Variants in SLFN12 observed in about 807,000 individuals in gnomAD.
SLFN12 encodes the protein ribonuclease SLFN12.
Under a neutral mutation model 29.1 loss-of-function variants are expected in SLFN12, and 25 were observed. The observed-to-expected ratio is 0.86, with a 90% CI of 0.63 to 1.20. SLFN12 has a LOEUF of 1.20. Among genes scored for constraint, SLFN12 ranks in the 50% most tolerant of loss-of-function variants. The pLI is 0.00. For missense variants in SLFN12, 660 were observed against 666.2 expected (o/e 0.99, Z 0.10); for synonymous variants, 257 against 238.7 (o/e 1.08, Z -0.71).
Position 35,411,338 on chromosome 17 carries a change from T to C in SLFN12, c.1737A>G (p.Ter579TrpextTer27), listed in dbSNP as rs770154393. 4 of 1,518,930 alleles carry C rather than the reference T, an allele frequency of 2.6e-6. No homozygotes were observed. The allele number at this position is 1,518,930 out of a possible 1,614,324, so 94.1% of individuals were successfully genotyped here. A position where few individuals can be genotyped will look rare whatever the true frequency, so the allele number is the denominator to read the frequency against. ...KMFKSCRRLT[*>W] is the part of the protein sequence containing the mutation. Reference sequence around the variant, plus strand: ...TCTCAGTAGCCCAGTCCATTTTCCATCAGGTGAGCCTTCGACAAGATTTAA... The same window carrying C: ...TCTCAGTAGCCCAGTCCATTTTCCACCAGGTGAGCCTTCGACAAGATTTAA... Residue 579 changes from the stop codon to tryptophan, a stop_lost, in exon 4 of 4, where the codon TGA becomes TGG. Coordinates refer to ENST00000304905, the MANE Select transcript of SLFN12 (RefSeq NM_018042.5).
intron 3 of SLFN12, among the ~76,000 whole-genome samples, chr17:35,414,757 C>T (rs765127362): frequency 3.3e-5 from 5 of 152,008 alleles, no homozygotes; most frequent in African/African-American, 4.8e-5. Context: ...ACCTCAATCC[C>T]TCCGACAACA....
chr17:35,431,791 T>A (rs1044042368), intron 1 of SLFN12: 1 of 152,106 alleles, frequency 6.6e-6, no homozygotes, highest in Non-Finnish European at 1.5e-5. Flanking sequence ...TTTAATGATA[T>A]GAAATGGAGG....
At chr17:35,424,757 G>C (rs2142045804) in intron 1 of SLFN12, among the ~76,000 whole-genome samples, 1 of 152,134 alleles carries the variant, frequency 6.6e-6, no homozygotes, top group Admixed American at 6.5e-5. Context: ...GGACAGTTGG[G>C]GTTGAATCCT....
Position 35,422,854 on chromosome 17 carries a change from T to C in SLFN12, c.175A>G (p.Ile59Val), listed in dbSNP as rs764798292. ...CALLNSGGGV[I>V]KAEIENEDYS... ...TCTTCATTCTCAATTTCAGCCTTGA[T>C]CACTCCCCCTCCAGAATTGAGCAGA... The change falls in exon 2 of 4, where the codon ATC (isoleucine) becomes GTC (valine). Residue 59 changes from isoleucine (I) to valine (V), a missense_variant. Transcript: ENST00000304905. The C allele has an allele frequency of 3.1e-6, 5 of 1,614,018 alleles. No individual in the cohort carries two copies. In the South Asian group the frequency reaches 5.5e-5, roughly 18 times the overall value.
At chr17:35,412,643 T>C (rs970671876) in intron 3 of SLFN12, among the ~76,000 whole-genome samples, 5 of 152,108 alleles carry the variant, frequency 3.3e-5, no homozygotes, top group Non-Finnish European at 7.3e-5. Context: ...ATAGCCCTTT[T>C]TGGAGAAATG....
rs939136397 is a variant in SLFN12 at position 35,432,376 on chromosome 17, C to G, written c.-229G>C. 5 of 152,170 alleles carry G rather than the reference C, an allele frequency of 3.3e-5. No homozygotes were observed. Among genetic ancestry groups the G allele is most frequent in the African/African-American group, 1.2e-4 (5 of 41,402 alleles). 9.4% of individuals were successfully genotyped at this position (152,170 alleles called of 1,614,324 possible). On this transcript the variant is annotated 5_prime_UTR_variant, in exon 1 of 4. Transcript: ENST00000304905. Reference sequence around the variant, plus strand: ...GCCCGAGGATAGCGGCTCAAGAGCCCGGTTTCAGAATTTTCTGGGGTTTAA... The same window carrying G: ...GCCCGAGGATAGCGGCTCAAGAGCCGGGTTTCAGAATTTTCTGGGGTTTAA...
chr17:35,412,624 G>A (rs1911087761), intron 3 of SLFN12, among the ~76,000 whole-genome samples: 1 of 152,124 alleles, frequency 6.6e-6, no homozygotes, highest in African/African-American at 2.4e-5. Flanking sequence ...CTACCTGTCA[G>A]AAGTAAATAT....
At chr17:35,432,057 C>T (rs573324238) in intron 1 of SLFN12, 131 bp downstream of exon 1, 1 of 152,174 alleles carries the variant, frequency 6.6e-6, no homozygotes, top group Non-Finnish European at 1.5e-5. Flanking sequence ...AACCTGCAGT[C>T]GCCTCCGTGT....
At chr17:35,423,114 A>G in intron 1 of SLFN12, 46 bp from the exon 2 acceptor site, 1 of 1,507,498 alleles carries the variant, frequency 6.6e-7, no homozygotes, top group Non-Finnish European at 8.8e-7. Flanking sequence ...AACTAGAAAG[A>G]TAGCAAATTC....
rs1177724197 is a variant in SLFN12, at chr17:35,411,881, T to A, written c.1194A>T (p.Lys398Asn). The change falls in exon 4 of 4, where the codon AAA (lysine) becomes AAT (asparagine). Residue 398 changes from lysine to asparagine, a missense_variant. Transcript: ENST00000304905. Reference protein sequence around the residue: ...ITYTPENLCRKLFLQHEGLKQ... With the variant: ...ITYTPENLCRNLFLQHEGLKQ... ...TAAGTCCTTCATGTTGTAAGAACAG[T>A]TTTCTGCAAAGGTTTTCTGGAGTAT... 1.2e-6 allele frequency: 2 copies of A among 1,613,198 alleles called. No homozygotes were observed. Among genetic ancestry groups the A allele is most frequent in the East Asian group, 4.5e-5 (2 of 44,890 alleles).
intron 1 of SLFN12, among the ~76,000 whole-genome samples, chr17:35,426,964 T>C (rs1199299035): frequency 1.3e-5 from 2 of 152,302 alleles, no homozygotes; most frequent in East Asian, 3.9e-4. Flanking sequence ...GCCTAAGACA[T>C]CTGGGGGTCT....
intron 1 of SLFN12, among the ~76,000 whole-genome samples, chr17:35,426,565 C>A (rs746222098): frequency 2.6e-5 from 4 of 152,102 alleles, no homozygotes; most frequent in Non-Finnish European, 4.4e-5. Context: ...TGATGTCTGG[C>A]CTTCCTCAGA....
At chr17:35,425,871 C>T (rs1446239258) in intron 1 of SLFN12, among the ~76,000 whole-genome samples, 3 of 92,746 alleles carry the variant, frequency 3.2e-5, no homozygotes, top group Admixed American at 1.4e-4. Context: ...TTTTCAGAAA[C>T]CTCCATACTA....
At position 35,411,348 on chromosome 17, in the gene SLFN12, C is replaced by A; in HGVS notation, c.1727G>T (p.Arg576Met). 6.5e-7 allele frequency: 1 copy of A among 1,539,472 alleles called. No individual in the cohort carries two copies. The highest frequency in any genetic ancestry group is 1.3e-5 in the South Asian group (1 of 78,804). Residue 576 changes from arginine to methionine, a missense_variant, in exon 4 of 4, where the codon AGG becomes ATG. Transcript: ENST00000304905. Reference protein sequence around the residue: ...NDKKMFKSCRRLT With the variant: ...NDKKMFKSCRMLT Reference sequence around the variant, plus strand: ...CCAGTCCATTTTCCATCAGGTGAGCCTTCGACAAGATTTAAACATCTTTTT... The same window carrying A: ...CCAGTCCATTTTCCATCAGGTGAGCATTCGACAAGATTTAAACATCTTTTT...
intron 1 of SLFN12, among the ~76,000 whole-genome samples, chr17:35,425,387 T>A (rs771724230): frequency 5.3e-5 from 8 of 152,070 alleles, no homozygotes; most frequent in South Asian, 2.1e-4. Context: ...ATTCCTCCTA[T>A]CTAACTGACA....
At chr17:35,420,482 G>A (rs1416393950) in intron 2 of SLFN12, 101 bp from the exon 3 acceptor site, 6 of 688,656 alleles carry the variant, frequency 8.7e-6, no homozygotes, top group African/African-American at 7.5e-5. Flanking sequence ...AACTGATTCT[G>A]TTTTCCAAAA....
chr17:35,412,192 G>A (rs1911069357), intron 3 of SLFN12, among the ~76,000 whole-genome samples: 1 of 152,086 alleles, frequency 6.6e-6, no homozygotes, highest in Non-Finnish European at 1.5e-5. Flanking sequence ...CTATATCATG[G>A]CATGGGTAAA....
In SLFN12 at chr17:35,420,338, C is replaced by T. The variant is rs573971221; in HGVS notation, c.1083G>A (p.Thr361=). ...SYEEVISQIN[T]SLPAPHSWPL... ...GCCAACTGTGGGGAGCAGGTAATGA[C>T]GTATTTATTTGAGAGATCACCTCTT... The change falls in exon 3 of 4, where the codon ACG becomes ACA. Residue 361 remains threonine, a synonymous_variant. Coordinates refer to ENST00000304905, the MANE Select transcript of SLFN12 (RefSeq NM_018042.5). 44 of 1,613,786 alleles carry T rather than the reference C, an allele frequency of 2.7e-5. No homozygotes were observed. The highest frequency in any genetic ancestry group is 1.1e-4 in the East Asian group (5 of 44,866).
In SLFN12 at chr17:35,422,181, ATCT is replaced by A. The variant is rs752309114; in HGVS notation, c.845_847del (p.Lys282del). ...TCCAAGGAATTTGCATGAATAATTTATCTTCTTCTTCTCCATACAGAAGTGATG... is the reference window on the plus strand; with the variant it reads ...TCCAAGGAATTTGCATGAATAATTTATCTTCTTCTCCATACAGAAGTGATG... On this transcript the variant is annotated inframe_deletion, in exon 2 of 4. Coordinates refer to ENST00000304905, the MANE Select transcript of SLFN12 (RefSeq NM_018042.5). 1.4e-5 allele frequency: 23 copies of A among 1,614,008 alleles called. No homozygotes were observed. Among genetic ancestry groups the A allele is most frequent in the Admixed American group, 6.7e-5 (4 of 59,994 alleles).
Sources: allele counts gnomAD v4.1 joint callset (sites outside exome capture counted in the v4.1 genomes callset), GRCh38; gene constraint gnomAD v4.1.1; transcripts MANE v1.5; gene names NCBI Gene and HGNC (gene_info 2026-07-23, HGNC 2026-07-21).